AKAP19: variants seen among roughly 807,000 people sequenced by gnomAD.
AKAP19 encodes the protein A-kinase anchoring protein 19.
the AKAP19 span, among the ~76,000 whole-genome samples, chr2:189,897,665 C>A: frequency 6.6e-6 from 1 of 152,076 alleles, no homozygotes; most frequent in Non-Finnish European, 1.5e-5. Context: ...AAATATCTTT[C>A]TAAGGTAGAT....
chr2:190,162,386 G>A, the AKAP19 span, among the ~76,000 whole-genome samples: 2 of 151,962 alleles, frequency 1.3e-5, no homozygotes, highest in Non-Finnish European at 2.9e-5. Context: ...ATCTTTTGAA[G>A]GAAAACAAGG....
At chr2:189,938,356 A>G in the AKAP19 span, among the ~76,000 whole-genome samples, 2 of 152,014 alleles carry the variant, frequency 1.3e-5, no homozygotes, top group African/African-American at 4.8e-5. Flanking sequence ...AAAAAAAGAA[A>G]GAAAATGTGG....
chr2:189,900,912 C>T, the AKAP19 span, among the ~76,000 whole-genome samples: 7 of 152,258 alleles, frequency 4.6e-5, no homozygotes, highest in African/African-American at 7.2e-5. Flanking sequence ...AGGCTACGTA[C>T]GCTACTGATA....
At chr2:190,041,795 T>C in the AKAP19 span, among the ~76,000 whole-genome samples, 1 of 152,236 alleles carries the variant, frequency 6.6e-6, no homozygotes, top group African/African-American at 2.4e-5. Context: ...TGTCTTTAGT[T>C]CTGTTTATGT....
chr2:190,074,956 T>C, the AKAP19 span, among the ~76,000 whole-genome samples: 1 of 152,314 alleles, frequency 6.6e-6, no homozygotes, highest in Non-Finnish European at 1.5e-5. Flanking sequence ...CTTAAGCATG[T>C]AAATGTGCCA....
the AKAP19 span, among the ~76,000 whole-genome samples, chr2:189,999,263 C>T: frequency 2.0e-5 from 3 of 151,930 alleles, no homozygotes; most frequent in Non-Finnish European, 4.4e-5. Context: ...GCATCATATA[C>T]ATTTTGGTGT....
the AKAP19 span, among the ~76,000 whole-genome samples, chr2:189,958,035 C>A: frequency 6.6e-6 from 1 of 152,154 alleles, no homozygotes; most frequent in African/African-American, 2.4e-5. Context: ...CTCAGGTAAT[C>A]CACTCGCCTC....
At chr2:189,930,288 G>T in the AKAP19 span, 2 of 597,618 alleles carry the variant, frequency 3.3e-6, no homozygotes, top group Non-Finnish European at 2.5e-6. Context: ...GTTGAAAGCA[G>T]TGCTGCATCA....
the AKAP19 span, among the ~76,000 whole-genome samples, chr2:189,996,896 G>A: frequency 2.0e-5 from 3 of 152,160 alleles, no homozygotes; most frequent in Non-Finnish European, 2.9e-5. Context: ...GGGCTACCAG[G>A]CTCTGGGCTG....
At chr2:189,988,730 C>T in the AKAP19 span, among the ~76,000 whole-genome samples, 117 of 152,342 alleles carry the variant, frequency 7.7e-4, no homozygotes, top group African/African-American at 2.7e-3. Flanking sequence ...GACTCTCCTT[C>T]TTCCGAAGTA....
At chr2:190,104,239 A>G in the AKAP19 span, among the ~76,000 whole-genome samples, 1 of 152,228 alleles carries the variant, frequency 6.6e-6, no homozygotes, top group African/African-American at 2.4e-5. Flanking sequence ...GAATCTTAGA[A>G]GAAAACCTAG....
At chr2:189,959,055 T>A in the AKAP19 span, among the ~76,000 whole-genome samples, 1 of 152,040 alleles carries the variant, frequency 6.6e-6, no homozygotes, top group Admixed American at 6.6e-5. Context: ...ACACAGGACT[T>A]CAATTGTGAT....
the AKAP19 span, among the ~76,000 whole-genome samples, chr2:190,160,794 T>C: frequency 1.3e-5 from 2 of 152,152 alleles, no homozygotes; most frequent in Admixed American, 6.5e-5. Context: ...TAATAAATGT[T>C]TGAAAGATTC....
the AKAP19 span, among the ~76,000 whole-genome samples, chr2:189,909,778 C>T: frequency 6.6e-4 from 101 of 152,106 alleles, no homozygotes; most frequent in Middle Eastern, 0.024. Flanking sequence ...AAGAAGTCAA[C>T]GCTGATATGG....
chr2:189,993,073 G>A, the AKAP19 span, among the ~76,000 whole-genome samples: 5 of 152,320 alleles, frequency 3.3e-5, no homozygotes, highest in African/African-American at 4.8e-5. Context: ...AATGGTGAAA[G>A]TGGGCATCCT....
At chr2:190,138,961 A>G in the AKAP19 span, among the ~76,000 whole-genome samples, 1 of 152,170 alleles carries the variant, frequency 6.6e-6, no homozygotes, top group South Asian at 2.1e-4. Flanking sequence ...ATCATTTGGC[A>G]AAGTTGTTAT....
chr2:190,077,169 G>T, the AKAP19 span, among the ~76,000 whole-genome samples: 2 of 148,994 alleles, frequency 1.3e-5, no homozygotes, highest in African/African-American at 4.9e-5. Flanking sequence ...TTAAAACCTT[G>T]AGCATATTTA....
At chr2:190,146,123 C>A in the AKAP19 span, among the ~76,000 whole-genome samples, 70 of 151,606 alleles carry the variant, frequency 4.6e-4, no homozygotes, top group Non-Finnish European at 8.5e-4. Context: ...ATACACTGTA[C>A]CGTATTTGTA....
At chr2:190,190,094 A>AAAT in the AKAP19 span, 1 of 152,260 alleles carries the variant, frequency 6.6e-6, no homozygotes, top group African/African-American at 2.4e-5. Flanking sequence ...AATTACAGTG[A>AAAT]AATACAGTAA....
Sources: allele counts gnomAD v4.1 joint callset (sites outside exome capture counted in the v4.1 genomes callset), GRCh38; gene constraint gnomAD v4.1.1; transcripts MANE v1.5; gene names NCBI Gene and HGNC (gene_info 2026-07-23, HGNC 2026-07-21).